The following MYLK3 variants were observed in gnomAD, a reference collection of about 807,000 sequenced individuals.
The protein encoded by MYLK3 is myosin light chain kinase 3.
A neutral mutation model predicts 76.3 loss-of-function variants in MYLK3; 55 were observed. The observed-to-expected ratio is 0.72, with a 90% confidence interval of 0.58 to 0.90. The LOEUF is 0.90. MYLK3 is among the 40% of genes least tolerant of loss of function. The probability of loss-of-function intolerance (pLI) is 0.00; values close to 1 mark genes in which losing one functional copy is unlikely to be tolerated. For synonymous variants in MYLK3, 416 were observed against 425.4 expected (o/e 0.98, Z 0.27); for missense variants, 973 against 1,053.6 (o/e 0.92, Z 1.06).
chr16:46,735,208 TTTA>T (rs981592131), intron 3 of MYLK3, among the ~76,000 whole-genome samples: 2 of 152,012 alleles, frequency 1.3e-5, no homozygotes, highest in African/African-American at 4.8e-5. Flanking sequence ...CCCCTATTTA[TTTA>T]TTTATTTATT....
upstream of MYLK3, among the ~76,000 whole-genome samples, chr16:46,750,599 C>A (rs1967110695): frequency 6.6e-6 from 1 of 152,148 alleles, no homozygotes; most frequent in African/African-American, 2.4e-5. Context: ...GAGGCTGAGG[C>A]AGGAGAATTG....
chr16:46,745,089 C>A (rs1232141981), intron 1 of MYLK3, among the ~76,000 whole-genome samples: 2 of 152,086 alleles, frequency 1.3e-5, no homozygotes, highest in African/African-American at 2.4e-5. Context: ...CATTCCCACA[C>A]CTTGATGGTA....
In MYLK3 at chr16:46,740,106, A is replaced by G. The variant is rs761994995; in HGVS notation, c.519T>C (p.His173=). The change falls in exon 2 of 13, where the codon CAT becomes CAC. Residue 173 remains histidine (H), a synonymous_variant. Coordinates refer to ENST00000394809, the MANE Select transcript of MYLK3 (RefSeq NM_182493.3). ...RVEEEGGKPK[H]VLSTSGVQSD... is the part of the protein sequence containing the mutation. ...ACTGCACCCCACTGGTGCTCAGCAC[A>G]TGCTTTGGTTTTCCTCCCTCTTCTT... 2 of 1,613,762 alleles carry G rather than the reference A, an allele frequency of 1.2e-6. No homozygotes were observed. Among genetic ancestry groups the G allele is most frequent in the East Asian group, 2.2e-5 (1 of 44,894 alleles).
intron 9 of MYLK3, among the ~76,000 whole-genome samples, chr16:46,713,865 T>A (rs1966709750): frequency 6.6e-6 from 1 of 152,204 alleles, no homozygotes; most frequent in South Asian, 2.1e-4. Context: ...TCACCTAACA[T>A]AATGCCCTAC....
intron 8 of MYLK3, among the ~76,000 whole-genome samples, chr16:46,723,650 CT>C (rs34270947): frequency 3.4e-4 from 44 of 130,496 alleles, no homozygotes; most frequent in African/African-American, 4.6e-4. Flanking sequence ...CTAGCTGATG[CT>C]TTTTTTTTTT....
chr16:46,749,297 A>C (rs1967085930), upstream of MYLK3, among the ~76,000 whole-genome samples: 1 of 152,242 alleles, frequency 6.6e-6, no homozygotes, highest in African/African-American at 2.4e-5. Context: ...CAGAGGGCAA[A>C]GCCCAGAGAG....
intron 3 of MYLK3, among the ~76,000 whole-genome samples, chr16:46,736,767 C>T (rs1186345566): frequency 6.6e-6 from 1 of 152,190 alleles, no homozygotes; most frequent in East Asian, 1.9e-4. Context: ...AGGTCAGGGC[C>T]ACCCTAGGCA....
chr16:46,750,422 G>A (rs1300960275), upstream of MYLK3, among the ~76,000 whole-genome samples: 1 of 152,246 alleles, frequency 6.6e-6, no homozygotes, highest in East Asian at 1.9e-4. Context: ...AGGGCCGGGT[G>A]CAGTGGCTCA....
chr16:46,731,001 C>T (rs1966851540), intron 4 of MYLK3, among the ~76,000 whole-genome samples: 1 of 152,188 alleles, frequency 6.6e-6, no homozygotes, highest in African/African-American at 2.4e-5. Context: ...TCTGTGTGGC[C>T]CACAGGAAAC....
At chr16:46,746,958 C>T (rs961816475) in intron 1 of MYLK3, among the ~76,000 whole-genome samples, 28 of 152,176 alleles carry the variant, frequency 1.8e-4, no homozygotes, top group Admixed American at 1.2e-3. Flanking sequence ...CCCCTCTGAC[C>T]CCAGCTCATC....
chr16:46,718,014 T>C (rs1261225437), intron 9 of MYLK3, among the ~76,000 whole-genome samples: 1 of 152,154 alleles, frequency 6.6e-6, no homozygotes, highest in Non-Finnish European at 1.5e-5. Context: ...TATTGCCCCA[T>C]GGGGGACAAA....
chr16:46,716,395 C>T (rs1305020489), intron 9 of MYLK3, among the ~76,000 whole-genome samples: 1 of 150,300 alleles, frequency 6.7e-6, no homozygotes, highest in Non-Finnish European at 1.5e-5. Flanking sequence ...ATATATAGCC[C>T]ACATATATAT....
chr16:46,726,592 GAA>G (rs1491362693), intron 8 of MYLK3: 1 of 148,850 alleles, frequency 6.7e-6, no homozygotes, highest in South Asian at 2.1e-4. Flanking sequence ...AGAGAGGAGA[GAA>G]GAGAGAGAGA....
intron 1 of MYLK3, among the ~76,000 whole-genome samples, chr16:46,760,323 G>A (rs1018740996): frequency 6.6e-6 from 1 of 152,154 alleles, no homozygotes; most frequent in Non-Finnish European, 1.5e-5. Context: ...CACCTCCCCG[G>A]CTGACAAGAA....
rs1966594904 is a variant in MYLK3, at chr16:46,703,325, A to G, written c.*4379T>C. On this transcript the variant is annotated 3_prime_UTR_variant, in exon 13 of 13. Coordinates refer to ENST00000394809, the MANE Select transcript of MYLK3 (RefSeq NM_182493.3). The stretch of plus-strand genomic sequence containing the variant: ...ATCATTTTGAATAAATCTCTATACA[A>G]TTGTTCAAGTACGGAGGGATAAATT... 1 of 152,212 alleles carries G rather than the reference A, an allele frequency of 6.6e-6. No individual in the cohort carries two copies. Among genetic ancestry groups the G allele is most frequent in the Non-Finnish European group, 1.5e-5 (1 of 68,028 alleles). 9.4% of individuals were successfully genotyped at this position (152,212 alleles called of 1,614,324 possible).
chr16:46,716,320 A>G (rs1966736840), intron 9 of MYLK3, among the ~76,000 whole-genome samples: 1 of 152,098 alleles, frequency 6.6e-6, no homozygotes, highest in Admixed American at 6.6e-5. Flanking sequence ...ATGGATAGAT[A>G]GATAGACAGA....
At chr16:46,734,506 T>A (rs1966859737) in intron 3 of MYLK3, among the ~76,000 whole-genome samples, 1 of 152,016 alleles carries the variant, frequency 6.6e-6, no homozygotes, top group African/African-American at 2.4e-5. Context: ...CCCAGCTACT[T>A]GGGAGGCTGA....
At chr16:46,730,784 CTT>C in intron 4 of MYLK3, 86 bp from the exon 5 acceptor site, 1 of 1,157,014 alleles carries the variant, frequency 8.6e-7, no homozygotes, top group Non-Finnish European at 1.3e-6. Context: ...CTTAGCTTCT[CTT>C]GGTCCACCAG....
intron 1 of MYLK3, among the ~76,000 whole-genome samples, chr16:46,754,725 T>C (rs1035086674): frequency 3.3e-5 from 5 of 152,094 alleles, no homozygotes; most frequent in African/African-American, 7.2e-5. Flanking sequence ...ACCAAACAAC[T>C]AGAATCAGAA....
Sources: allele counts gnomAD v4.1 joint callset (sites outside exome capture counted in the v4.1 genomes callset), GRCh38; gene constraint gnomAD v4.1.1; transcripts MANE v1.5; gene names NCBI Gene and HGNC (gene_info 2026-07-23, HGNC 2026-07-21).